HUNK: variants seen among roughly 807,000 people sequenced by gnomAD.
HUNK encodes the protein hormonally up-regulated neu tumor-associated kinase.
HUNK carries 21 observed loss-of-function variants against 61.0 expected under a neutral mutation model. That is an observed-to-expected ratio of 0.34 (90% CI 0.24 to 0.50). The LOEUF is 0.50. HUNK is among the 20% of genes least tolerant of loss of function. HUNK has a pLI of 0.98. For synonymous variants in HUNK, 371 were observed against 386.1 expected, an observed-to-expected ratio of 0.96 and a Z score of 0.46; for missense variants, 772 against 945.7, an observed-to-expected ratio of 0.82 and a Z score of 2.41.
At chr21:31,887,053 C>G (rs1222422811) in intron 1 of HUNK, among the ~76,000 whole-genome samples, 1 of 152,226 alleles carries the variant, frequency 6.6e-6, no homozygotes, top group East Asian at 1.9e-4. Context: ...CTGTATGTTT[C>G]TCTCATTCCT....
At chr21:31,971,500 G>A (rs990099960) in intron 6 of HUNK, among the ~76,000 whole-genome samples, 2 of 152,156 alleles carry the variant, frequency 1.3e-5, no homozygotes, top group Non-Finnish European at 2.9e-5. Context: ...TTACTGGCAT[G>A]TAGATAAAGG....
At chr21:31,918,194 A>T (rs1205309647) in intron 1 of HUNK, among the ~76,000 whole-genome samples, 2 of 150,644 alleles carry the variant, frequency 1.3e-5, no homozygotes, top group African/African-American at 5.0e-5. Flanking sequence ...ACGGCATTCC[A>T]TTTCAGTATT....
chr21:31,914,920 C>T (rs2052571776), intron 1 of HUNK, among the ~76,000 whole-genome samples: 1 of 152,166 alleles, frequency 6.6e-6, no homozygotes, highest in African/African-American at 2.4e-5. Context: ...TTGCAGATGG[C>T]AATCTTGAAC....
chr21:31,939,029 T>C (rs1333882921), intron 2 of HUNK, among the ~76,000 whole-genome samples: 1 of 152,170 alleles, frequency 6.6e-6, no homozygotes, highest in Non-Finnish European at 1.5e-5. Flanking sequence ...TAGACATGTT[T>C]CCTGCCTTCT....
At chr21:31,922,623 G>A (rs2052630565) in intron 1 of HUNK, among the ~76,000 whole-genome samples, 1 of 151,996 alleles carries the variant, frequency 6.6e-6, no homozygotes, top group Non-Finnish European at 1.5e-5. Context: ...CACCACGCCC[G>A]GCCTCTTAGC....
intron 5 of HUNK, among the ~76,000 whole-genome samples, chr21:31,962,610 G>A (rs1019413987): frequency 5.3e-5 from 8 of 152,214 alleles, no homozygotes; most frequent in African/African-American, 1.9e-4. Context: ...TAAGCTCTGT[G>A]TGTGCTTGTT....
intron 8 of HUNK, among the ~76,000 whole-genome samples, chr21:31,984,964 G>A (rs747701376): frequency 6.6e-6 from 1 of 152,182 alleles, no homozygotes; most frequent in Non-Finnish European, 1.5e-5. Flanking sequence ...GAAGGTAAAT[G>A]AGGAGCAAAG....
intron 3 of HUNK, among the ~76,000 whole-genome samples, chr21:31,943,232 A>G (rs111492262): frequency 3.9e-5 from 6 of 152,226 alleles, no homozygotes; most frequent in African/African-American, 1.4e-4. Flanking sequence ...TGATTTAATC[A>G]GGAGGTTTTT....
At chr21:31,990,078 T>C in intron 8 of HUNK, 51 bp from the exon 9 acceptor site, 3 of 1,530,946 alleles carry the variant, frequency 2.0e-6, no homozygotes, top group Non-Finnish European at 2.7e-6. Flanking sequence ...ATTTAGGGAA[T>C]AAATAGCAGG....
intron 2 of HUNK, among the ~76,000 whole-genome samples, chr21:31,939,603 T>A (rs2052755724): frequency 6.6e-6 from 1 of 152,004 alleles, no homozygotes; most frequent in South Asian, 2.1e-4. Context: ...ACACAGGGTT[T>A]CTCCATGTTA....
chr21:31,893,797 A>G (rs1001024744), intron 1 of HUNK, among the ~76,000 whole-genome samples: 6 of 152,180 alleles, frequency 3.9e-5, no homozygotes, highest in African/African-American at 1.4e-4. Flanking sequence ...CTGCCTCAAC[A>G]CTCAGGAAAA....
At chr21:31,889,386 G>A (rs998407238) in intron 1 of HUNK, among the ~76,000 whole-genome samples, 1 of 152,162 alleles carries the variant, frequency 6.6e-6, no homozygotes, top group African/African-American at 2.4e-5. Context: ...CCCTACTTTA[G>A]TGAAACCAAA....
At chr21:31,990,462 C>T (rs2053164525) in intron 9 of HUNK, among the ~76,000 whole-genome samples, 1 of 151,916 alleles carries the variant, frequency 6.6e-6, no homozygotes, top group Non-Finnish European at 1.5e-5. Flanking sequence ...GGATGAGACC[C>T]ACCCACATTA....
In HUNK at chr21:32,004,060, C is replaced by A. The variant is rs1199262702; in HGVS notation, c.*4876C>A. 6.6e-6 allele frequency: 1 copy of A among 152,194 alleles called. No homozygotes were observed. Among genetic ancestry groups the A allele is most frequent in the Non-Finnish European group, 1.5e-5 (1 of 68,040 alleles). The allele number at this position is 152,194 out of a possible 1,614,324, so 9.4% of individuals were successfully genotyped here. On this transcript the variant is annotated 3_prime_UTR_variant, in exon 11 of 11. Coordinates refer to ENST00000270112, the MANE Select transcript of HUNK (RefSeq NM_014586.2). ...AGGTGAAAAAAATAAATGGGTCTGA[C>A]TTCAGGGCCTCAGCTCTTTGTATTT...
At position 31,995,812 on chromosome 21, in the gene HUNK, TC is replaced by T; in HGVS notation, c.1351del (p.Arg451AspfsTer22). On this transcript the variant is annotated frameshift_variant, in exon 10 of 11. Coordinates refer to ENST00000270112, the MANE Select transcript of HUNK (RefSeq NM_014586.2). LOFTEE classifies it high-confidence loss of function. ...EQEKRGDFLH[R>X]PFSKKLDKNL... ...AAGAAAAAAGAGGGGATTTTCTTCA[TC>T]GACCATTCTCCAAGAAGTTGGACAA... 1 of 1,614,208 alleles carries T rather than the reference TC, an allele frequency of 6.2e-7. No individual in the cohort carries two copies. The highest frequency in any genetic ancestry group is 2.2e-5 in the East Asian group (1 of 44,884).
chr21:31,935,369 T>C (rs1244125446), intron 2 of HUNK, among the ~76,000 whole-genome samples: 2 of 152,192 alleles, frequency 1.3e-5, no homozygotes, highest in East Asian at 3.8e-4. Flanking sequence ...TGTGTTCCCC[T>C]GGCACATTTG....
intron 4 of HUNK, among the ~76,000 whole-genome samples, chr21:31,955,372 C>T (rs1312132470): frequency 1.3e-5 from 2 of 148,830 alleles, no homozygotes; most frequent in Non-Finnish European, 3.0e-5. Flanking sequence ...GGGTGGATCA[C>T]GAGGTCAGGA....
intron 2 of HUNK, among the ~76,000 whole-genome samples, chr21:31,932,142 A>G (rs2052702453): frequency 1.3e-5 from 2 of 152,184 alleles, no homozygotes; most frequent in South Asian, 4.1e-4. Context: ...CACACTTGCA[A>G]TGTGCCCACA....
chr21:31,903,789 T>A (rs774429382), intron 1 of HUNK, among the ~76,000 whole-genome samples: 19 of 152,360 alleles, frequency 1.2e-4, no homozygotes, highest in Middle Eastern at 6.8e-3. Flanking sequence ...GTTCACAAGA[T>A]GAGACCCAGA....
Sources: allele counts gnomAD v4.1 joint callset (sites outside exome capture counted in the v4.1 genomes callset), GRCh38; gene constraint gnomAD v4.1.1; transcripts MANE v1.5; gene names NCBI Gene and HGNC (gene_info 2026-07-23, HGNC 2026-07-21).